Variants in CPAP observed in about 807,000 individuals in gnomAD.
The protein encoded by CPAP is centrosomal P4.1-associated protein.
At chr13:24,883,297 T>G in the CPAP span, 4 of 1,613,926 alleles carry the variant, frequency 2.5e-6, no homozygotes, top group African/African-American at 4.0e-5. Flanking sequence ...CATCTGGGTA[T>G]TCCCGTCTCT....
At chr13:24,888,017 C>A in the CPAP span, among the ~76,000 whole-genome samples, 1 of 152,180 alleles carries the variant, frequency 6.6e-6, no homozygotes, top group African/African-American at 2.4e-5. Context: ...TATGTCTTTA[C>A]GTAGGTGGTG....
the CPAP span, among the ~76,000 whole-genome samples, chr13:24,895,826 T>C: frequency 1.4e-4 from 21 of 152,360 alleles, no homozygotes; most frequent in African/African-American, 4.8e-4. Context: ...TAATGATTAA[T>C]ATAAATTCCA....
chr13:24,897,142 T>C, the CPAP span, among the ~76,000 whole-genome samples: 1 of 152,184 alleles, frequency 6.6e-6, no homozygotes, highest in Non-Finnish European at 1.5e-5. Flanking sequence ...CTTGGGGAGC[T>C]GAGGCAGGAG....
chr13:24,889,435 AGT>A, the CPAP span: 1 of 1,376,040 alleles, frequency 7.3e-7, no homozygotes, highest in African/African-American at 1.4e-5. Flanking sequence ...ATTTAAAATG[AGT>A]GTTAGTCTAT....
chr13:24,883,848 AC>A, the CPAP span: 9 of 1,119,038 alleles, frequency 8.0e-6, no homozygotes, highest in Non-Finnish European at 1.2e-5. Flanking sequence ...TTCAAACTGA[AC>A]CCCCTAATAT....
the CPAP span, chr13:24,905,828 T>C: frequency 6.2e-7 from 1 of 1,614,200 alleles, no homozygotes; most frequent in Admixed American, 1.7e-5. Flanking sequence ...AGGCCCCTTA[T>C]CATCACAGAC....
At chr13:24,906,341 C>A in the CPAP span, 1 of 1,611,720 alleles carries the variant, frequency 6.2e-7, no homozygotes, top group South Asian at 1.1e-5. Context: ...TTCCTTTTCT[C>A]GTTCCCAAGT....
the CPAP span, chr13:24,892,636 T>G: frequency 6.2e-7 from 1 of 1,611,110 alleles, no homozygotes; most frequent in African/African-American, 1.3e-5. Flanking sequence ...CCCGCCTCCC[T>G]GCCTACCGCA....
the CPAP span, chr13:24,903,922 G>A: frequency 1.4e-5 from 23 of 1,613,842 alleles, no homozygotes; most frequent in Middle Eastern, 1.6e-4. Flanking sequence ...AGACCCAAAC[G>A]TACCTGAGTT....
the CPAP span, among the ~76,000 whole-genome samples, chr13:24,917,551 C>T: frequency 6.6e-6 from 1 of 152,174 alleles, no homozygotes; most frequent in Non-Finnish European, 1.5e-5. Flanking sequence ...AACATGTCTG[C>T]AATCTCATCA....
chr13:24,921,762 T>C, the CPAP span, among the ~76,000 whole-genome samples: 1 of 152,170 alleles, frequency 6.6e-6, no homozygotes, highest in Admixed American at 6.5e-5. Context: ...AAAAATTCCC[T>C]ACTAGACTGA....
the CPAP span, chr13:24,883,481 T>A: frequency 2.5e-6 from 2 of 789,930 alleles, no homozygotes; most frequent in Middle Eastern, 3.7e-4. Context: ...TCTGGAGACA[T>A]CCCTTGGTTA....
At chr13:24,885,878 C>CA in the CPAP span, 3 of 563,952 alleles carry the variant, frequency 5.3e-6, no homozygotes, top group South Asian at 4.2e-5. Flanking sequence ...TATCTTGTCT[C>CA]AGAGTTTACA....
the CPAP span, chr13:24,905,695 C>T: frequency 1.9e-6 from 3 of 1,614,154 alleles, no homozygotes; most frequent in Non-Finnish European, 2.5e-6. Flanking sequence ...ATGAGGATCT[C>T]GAGGGCTCAG....
At chr13:24,902,159 G>T in the CPAP span, among the ~76,000 whole-genome samples, 2 of 151,940 alleles carry the variant, frequency 1.3e-5, no homozygotes, top group African/African-American at 2.4e-5. Context: ...TCTGTCAATT[G>T]GGAAGGATAA....
the CPAP span, chr13:24,889,094 G>T: frequency 1.8e-6 from 1 of 541,492 alleles, no homozygotes; most frequent in South Asian, 2.1e-5. Context: ...ATTTATGAAC[G>T]CAACAAGGTA....
chr13:24,907,418 G>A, the CPAP span, among the ~76,000 whole-genome samples: 1 of 152,108 alleles, frequency 6.6e-6, no homozygotes, highest in Admixed American at 6.5e-5. Flanking sequence ...GAACCCTTCT[G>A]AAGTCCATCT....
At chr13:24,889,363 G>A in the CPAP span, 7 of 1,612,044 alleles carry the variant, frequency 4.3e-6, no homozygotes, top group Non-Finnish European at 5.9e-6. Flanking sequence ...CTGGGTTCCT[G>A]AAGAAATCTG....
At chr13:24,924,278 A>G in the CPAP span, among the ~76,000 whole-genome samples, 1 of 152,232 alleles carries the variant, frequency 6.6e-6, no homozygotes, top group Admixed American at 6.5e-5. Context: ...AGCATGCCCA[A>G]AAGTCTCATC....
Sources: allele counts gnomAD v4.1 joint callset (sites outside exome capture counted in the v4.1 genomes callset), GRCh38; gene constraint gnomAD v4.1.1; transcripts MANE v1.5; gene names NCBI Gene and HGNC (gene_info 2026-07-23, HGNC 2026-07-21).